Variants in ACTR6 observed in about 807,000 individuals in gnomAD.
ACTR6 encodes actin-related protein 6.
A neutral mutation model predicts 52.5 loss-of-function variants in ACTR6; 50 were observed. That is an observed-to-expected ratio of 0.95 (90% CI 0.76 to 1.20). ACTR6 has a LOEUF of 1.20. Among genes scored for constraint, ACTR6 ranks in the 50% most tolerant of loss-of-function variants. The probability of loss-of-function intolerance (pLI) is 0.00; values close to 1 mark genes in which losing one functional copy is unlikely to be tolerated. For synonymous variants in ACTR6, 135 were observed against 147.2 expected, an observed-to-expected ratio of 0.92 and a Z score of 0.60; for missense variants, 344 against 472.4, an observed-to-expected ratio of 0.73 and a Z score of 2.52.
chr12:100,214,086 A>C (rs2096122139), intron 8 of ACTR6, among the ~76,000 whole-genome samples: 1 of 152,240 alleles, frequency 6.6e-6, no homozygotes, highest in Non-Finnish European at 1.5e-5. Context: ...TCTGATTTTC[A>C]CAGAAAAGCA....
In ACTR6 at chr12:100,200,885, A is replaced by G; in HGVS notation, c.34A>G (p.Asn12Asp). The G allele has an allele frequency of 1.2e-6, 2 of 1,614,162 alleles. No homozygotes were observed. The highest frequency in any genetic ancestry group is 1.7e-6 in the Non-Finnish European group (2 of 1,180,014). ...TTLVLDNGAY[N>D]AKIGYSHENV... ...CTTAGTGCTGGATAATGGAGCTTAC[A>G]ACGCCAAAATCGGTTACAGCCATGA... The change falls in exon 1 of 11, where the codon AAC becomes GAC. Residue 12 changes from asparagine to aspartate, a missense_variant. Asn to Asp is a conservative substitution (Grantham distance 23). Coordinates refer to ENST00000188312, the MANE Select transcript of ACTR6 (RefSeq NM_022496.5).
chr12:100,222,066 T>C (rs1003661340), intron 10 of ACTR6, among the ~76,000 whole-genome samples: 3 of 152,012 alleles, frequency 2.0e-5, no homozygotes, highest in South Asian at 2.1e-4. Flanking sequence ...GCGATTCTCC[T>C]GCCTCAGCCT....
At chr12:100,201,029 C>G in intron 1 of ACTR6, 110 bp downstream of exon 1, 2 of 1,580,118 alleles carry the variant, frequency 1.3e-6, no homozygotes, top group Admixed American at 1.8e-5. Flanking sequence ...GCGGCCCTGA[C>G]TTAGCCAGAG....
At chr12:100,212,847 T>A (rs1245149158) in intron 8 of ACTR6, among the ~76,000 whole-genome samples, 3 of 151,050 alleles carry the variant, frequency 2.0e-5, no homozygotes, top group Non-Finnish European at 4.4e-5. Flanking sequence ...CTACTAAAAA[T>A]ACAAAAAAAA....
rs1784484037 is a variant in ACTR6, at chr12:100,218,185, T to G, written c.751-230T>G. Reference sequence around the variant, plus strand: ...GTGGAATAAAGCTGCCAAATTATCTTTGAAGGAACAGCCATATTAGCGTCA... The same window carrying G: ...GTGGAATAAAGCTGCCAAATTATCTGTGAAGGAACAGCCATATTAGCGTCA... On this transcript the variant is annotated intron_variant, in intron 8 of 10. Coordinates refer to ENST00000188312, the MANE Select transcript of ACTR6 (RefSeq NM_022496.5). This position sits in a 1 kb window ranked among gnomAD's most constrained non-coding sequence, Gnocchi z 4.2. Among the ~76,000 whole-genome samples, 1 of 152,112 alleles carries G rather than the reference T, an allele frequency of 6.6e-6. No individual in the cohort carries two copies. Among genetic ancestry groups the G allele is most frequent in the Admixed American group, 6.6e-5 (1 of 15,256 alleles).
chr12:100,213,548 T>A (rs888196613), intron 8 of ACTR6, among the ~76,000 whole-genome samples: 1 of 152,222 alleles, frequency 6.6e-6, no homozygotes, highest in Non-Finnish European at 1.5e-5. Context: ...TATCATTATG[T>A]ATATTATGGC....
intron 3 of ACTR6, among the ~76,000 whole-genome samples, chr12:100,206,686 T>TG (rs2083169028): frequency 1.3e-5 from 2 of 151,638 alleles, no homozygotes; most frequent in African/African-American, 4.8e-5. Flanking sequence ...TTTTTTTTTT[T>TG]TAGGGGGAGT....
At chr12:100,222,080 G>C (rs1005448656) in intron 10 of ACTR6, among the ~76,000 whole-genome samples, 1 of 151,646 alleles carries the variant, frequency 6.6e-6, no homozygotes, top group Non-Finnish European at 1.5e-5. Context: ...TCAGCCTCCC[G>C]AATAGCTGGG....
At chr12:100,204,503 G>A (rs931061327) in intron 1 of ACTR6, among the ~76,000 whole-genome samples, 11 of 152,162 alleles carry the variant, frequency 7.2e-5, no homozygotes, top group Admixed American at 1.3e-4. Context: ...TGGGACTACA[G>A]GCATGTGCCA....
At position 100,207,763 on chromosome 12, in the gene ACTR6, T is replaced by A. The variant is rs1316267051; in HGVS notation, c.356T>A (p.Phe119Tyr). The A allele has an allele frequency of 5.0e-6, 8 of 1,598,640 alleles. No individual in the cohort carries two copies. Among genetic ancestry groups the A allele is most frequent in the Non-Finnish European group, 6.8e-6 (8 of 1,169,140 alleles). ...MNEILFEEYQFQAVLRVNAGA... is the reference protein window; with the variant it reads ...MNEILFEEYQYQAVLRVNAGA... Reference sequence around the variant, plus strand: ...GAAATTCTATTTGAAGAATACCAGTTTCAAGCAGTATTAAGAGTAAATGGT... The same window carrying A: ...GAAATTCTATTTGAAGAATACCAGTATCAAGCAGTATTAAGAGTAAATGGT... Residue 119 changes from phenylalanine (F) to tyrosine (Y), a missense_variant, in exon 4 of 11, where the codon TTT (phenylalanine) becomes TAT (tyrosine). Transcript: ENST00000188312.
At chr12:100,203,697 C>T (rs1053293823) in intron 1 of ACTR6, 17 of 137,606 alleles carry the variant, frequency 1.2e-4, no homozygotes, top group Admixed American at 2.4e-4. Context: ...GTCGTCCAGG[C>T]TGGAATGCAG....
At chr12:100,216,468 G>A (rs2096124016) in intron 8 of ACTR6, among the ~76,000 whole-genome samples, 1 of 152,234 alleles carries the variant, frequency 6.6e-6, no homozygotes. Flanking sequence ...CCAGCCTCCA[G>A]ATTACTTGTT....
chr12:100,201,381 C>T (rs2096109548), intron 1 of ACTR6, among the ~76,000 whole-genome samples: 1 of 152,172 alleles, frequency 6.6e-6, no homozygotes, highest in African/African-American at 2.4e-5. Context: ...GGCCTACTGG[C>T]CGACCTAGTT....
At chr12:100,209,954 C>T (rs1382620025) in intron 4 of ACTR6, 119 bp from the exon 5 acceptor site, 1 of 789,676 alleles carries the variant, frequency 1.3e-6, no homozygotes, top group African/African-American at 1.8e-5. Context: ...TATAAATTAA[C>T]ATTTTTCTTG....
At chr12:100,213,796 C>T (rs999879771) in intron 8 of ACTR6, among the ~76,000 whole-genome samples, 34 of 152,154 alleles carry the variant, frequency 2.2e-4, no homozygotes, top group African/African-American at 7.2e-4. Flanking sequence ...AAAATTACTT[C>T]TGTGGTTAGG....
At chr12:100,205,252 C>T (rs1190865581) in intron 2 of ACTR6, 195 bp downstream of exon 2, 2 of 462,060 alleles carry the variant, frequency 4.3e-6, no homozygotes, top group Non-Finnish European at 7.5e-6. Flanking sequence ...TTTTTACTTA[C>T]ATTAAATCTA....
chr12:100,202,640 C>G (rs2096110712), intron 1 of ACTR6, among the ~76,000 whole-genome samples: 1 of 151,928 alleles, frequency 6.6e-6, no homozygotes, highest in African/African-American at 2.4e-5. Flanking sequence ...GGGTGGATCA[C>G]GAGGTTAGGA....
At chr12:100,221,244 G>T (rs2096128056) in intron 10 of ACTR6, among the ~76,000 whole-genome samples, 1 of 152,148 alleles carries the variant, frequency 6.6e-6, no homozygotes, top group African/African-American at 2.4e-5. Context: ...GTTAGTGGCA[G>T]AGTTGCAAAC....
chr12:100,220,961 T>G (rs1014368359), intron 10 of ACTR6, among the ~76,000 whole-genome samples: 3 of 146,880 alleles, frequency 2.0e-5, no homozygotes, highest in Non-Finnish European at 4.5e-5. Flanking sequence ...TATGGTAGCC[T>G]AGGTGACAAA....
Sources: allele counts gnomAD v4.1 joint callset (sites outside exome capture counted in the v4.1 genomes callset), GRCh38; gene constraint gnomAD v4.1.1; non-coding constraint Gnocchi (gnomAD v3.1); transcripts MANE v1.5; gene names NCBI Gene and HGNC (gene_info 2026-07-23, HGNC 2026-07-21).